Variants in PTPRZ1 observed in about 807,000 individuals in gnomAD.
PTPRZ1 encodes protein tyrosine phosphatase receptor type Z1, also known as receptor-type tyrosine-protein phosphatase zeta.
A neutral mutation model predicts 214.1 loss-of-function variants in PTPRZ1; 82 were observed. The observed-to-expected ratio is 0.38, with a 90% CI of 0.32 to 0.46. PTPRZ1 has a LOEUF of 0.46. Among genes scored for constraint, PTPRZ1 ranks in the 20% least tolerant of loss-of-function variants. The pLI, the probability that PTPRZ1 is intolerant of heterozygous loss-of-function variation, is 1.00. For missense variants in PTPRZ1, 2,603 were observed against 2,748.7 expected, an observed-to-expected ratio of 0.95 and a Z score of 1.19; for synonymous variants, 945 against 987.9, an observed-to-expected ratio of 0.96 and a Z score of 0.81.
intron 1 of PTPRZ1, among the ~76,000 whole-genome samples, chr7:121,919,207 T>C (rs976059575): frequency 6.6e-6 from 1 of 152,072 alleles, no homozygotes; most frequent in Non-Finnish European, 1.5e-5. Context: ...TAAAAAGTAA[T>C]AATAAACCTT....
Position 121,948,368 on chromosome 7 carries a change from C to A in PTPRZ1, c.125-19583C>A, listed in dbSNP as rs575572649. The stretch of plus-strand genomic sequence containing the variant: ...TGGTGGCTCATGCCTGTTATCCTAG[C>A]GCTCTGGGAGGCTGAGGCAGCGGGA... On this transcript the variant is annotated intron_variant, in intron 2 of 29. Transcript: ENST00000393386. Among the ~76,000 whole-genome samples the A allele has an allele frequency of 3.3e-5, 5 of 152,222 alleles. No individual in the cohort carries two copies. The East Asian group carries it at 9.7e-4, about 29-fold the overall frequency.
At chr7:121,940,994 G>A (rs1796224706) in intron 2 of PTPRZ1, among the ~76,000 whole-genome samples, 1 of 152,290 alleles carries the variant, frequency 6.6e-6, no homozygotes, top group South Asian at 2.1e-4. Flanking sequence ...TTCAAGTGAA[G>A]CCTTCTTTCC....
intron 12 of PTPRZ1, among the ~76,000 whole-genome samples, chr7:122,018,366 T>C (rs189781300): frequency 6.6e-6 from 1 of 152,336 alleles, no homozygotes; most frequent in Admixed American, 6.5e-5. Context: ...GCTAGTACAG[T>C]AATGTACCTG....
At chr7:121,892,706 A>C (rs1437988253) in intron 1 of PTPRZ1, among the ~76,000 whole-genome samples, 2 of 126,980 alleles carry the variant, frequency 1.6e-5, no homozygotes, top group Non-Finnish European at 3.3e-5. Context: ...ATATATATAT[A>C]TATATATATA....
At position 121,873,572 on chromosome 7, in the gene PTPRZ1, CTCGGTGGGGTTTCAGCTCCGGGA is replaced by C; in HGVS notation, c.58+24_58+46del. On this transcript the variant is annotated intron_variant, in intron 1 of 29. Transcript: ENST00000393386. ...TTGCCGCCTGGGTGAGTGAGAAGAG[CTCGGTGGGGTTTCAGCTCCGGGA>C]TCGGTGGGATGAGGGTGGGAGCATT... The C allele has an allele frequency of 1.9e-6, 3 of 1,613,418 alleles. No homozygotes were observed. Among genetic ancestry groups the C allele is most frequent in the South Asian group, 1.1e-5 (1 of 91,044 alleles).
intron 10 of PTPRZ1, among the ~76,000 whole-genome samples, chr7:122,000,887 T>C (rs1353352739): frequency 6.6e-6 from 1 of 151,548 alleles, no homozygotes; most frequent in South Asian, 2.1e-4. Flanking sequence ...GGTTTCACCA[T>C]GTGGGCCAGG....
intron 4 of PTPRZ1, among the ~76,000 whole-genome samples, chr7:121,974,984 G>A (rs1047354281): frequency 9.9e-5 from 15 of 152,076 alleles, no homozygotes; most frequent in African/African-American, 3.6e-4. Context: ...CCAGGAGTTT[G>A]AGACTAGTCT....
At chr7:122,025,031 G>C (rs1400359016) in intron 13 of PTPRZ1, among the ~76,000 whole-genome samples, 1 of 152,142 alleles carries the variant, frequency 6.6e-6, no homozygotes, top group Non-Finnish European at 1.5e-5. Context: ...AACAACATAT[G>C]ATTGGTGGGA....
intron 17 of PTPRZ1, 100 bp from the exon 18 acceptor site, chr7:122,036,500 G>A (rs1310340809): frequency 1.2e-6 from 1 of 817,746 alleles, no homozygotes; most frequent in African/African-American, 1.7e-5. Flanking sequence ...TGCTTGTGTT[G>A]ATTTTAATTG....
intron 6 of PTPRZ1, among the ~76,000 whole-genome samples, chr7:121,983,462 T>C (rs553958515): frequency 4.6e-4 from 70 of 152,362 alleles, no homozygotes; most frequent in African/African-American, 1.6e-3. Flanking sequence ...TAAAGATAAG[T>C]CATCTAACAC....
intron 23 of PTPRZ1, among the ~76,000 whole-genome samples, chr7:122,049,951 T>G (rs1792117567): frequency 1.3e-5 from 2 of 152,200 alleles, no homozygotes; most frequent in Admixed American, 1.3e-4. Flanking sequence ...TGAGGAAATC[T>G]GTTATGTGGT....
chr7:122,020,093 T>A (rs1584749533), intron 13 of PTPRZ1, among the ~76,000 whole-genome samples: 1 of 152,188 alleles, frequency 6.6e-6, no homozygotes, highest in African/African-American at 2.4e-5. Flanking sequence ...AGATACATAA[T>A]TTTTTTGTTT....
At chr7:121,881,638 C>G (rs1019958641) in intron 1 of PTPRZ1, among the ~76,000 whole-genome samples, 1 of 152,208 alleles carries the variant, frequency 6.6e-6, no homozygotes, top group Non-Finnish European at 1.5e-5. Context: ...TTTCCCTTCT[C>G]TCTCTCTTCT....
At chr7:121,976,525 G>T (rs1327967491) in intron 5 of PTPRZ1, among the ~76,000 whole-genome samples, 2 of 151,986 alleles carry the variant, frequency 1.3e-5, no homozygotes, top group Non-Finnish European at 2.9e-5. Context: ...GTACATAAAA[G>T]CATCATATTA....
chr7:122,051,430 C>A lies in PTPRZ1; in HGVS notation c.6087C>A (p.Leu2029=). 1 of 1,612,298 alleles carries A rather than the reference C, an allele frequency of 6.2e-7. No homozygotes were observed. The highest frequency in any genetic ancestry group is 1.1e-5 in the South Asian group (1 of 90,700). Residue 2029 remains leucine (L), a splice_region_variant and synonymous_variant, in exon 24 of 30, where the codon CTC becomes CTA. Transcript: ENST00000393386. The part of the protein sequence containing the change: ...GKTKLEKQFQ[L]LSQSNIQQSD... ...TATTTTTTTACTTTCTTGCCCAGCT[C>A]CTGAGCCAGTCAAATATACAGCAGA...
intron 8 of PTPRZ1, among the ~76,000 whole-genome samples, chr7:121,986,309 G>A (rs993490500): frequency 1.3e-5 from 2 of 152,150 alleles, no homozygotes; most frequent in Non-Finnish European, 2.9e-5. Context: ...AAGGAATGGA[G>A]TCAGTATTTG....
chr7:121,893,855 A>G (rs1392810982), intron 1 of PTPRZ1, among the ~76,000 whole-genome samples: 2 of 151,530 alleles, frequency 1.3e-5, no homozygotes, highest in African/African-American at 4.9e-5. Context: ...ATTATCTTGT[A>G]TGTATTTTTT....
chr7:121,966,652 T>C lies in PTPRZ1; in HGVS notation c.125-1299T>C, dbSNP rs1249595718. ...TTCTGGTTGATGCCTCACTATGAGA[T>C]GTATTACCAGATTTTCCATGACTGT... is the stretch of plus-strand genomic sequence containing the variant. On this transcript the variant is annotated intron_variant, in intron 2 of 29. Transcript: ENST00000393386. Among the ~76,000 whole-genome samples, 3 of 152,218 alleles carry C rather than the reference T, an allele frequency of 2.0e-5. No homozygotes were observed. In the South Asian group the frequency reaches 6.2e-4, roughly 31 times the overall value.
chr7:121,886,416 G>A (rs963771510), intron 1 of PTPRZ1, among the ~76,000 whole-genome samples: 7 of 150,764 alleles, frequency 4.6e-5, no homozygotes, highest in African/African-American at 1.2e-4. Flanking sequence ...AAACACATAC[G>A]TTAGTTCATC....
Sources: allele counts gnomAD v4.1 joint callset (sites outside exome capture counted in the v4.1 genomes callset), GRCh38; gene constraint gnomAD v4.1.1; transcripts MANE v1.5; gene names NCBI Gene and HGNC (gene_info 2026-07-23, HGNC 2026-07-21).